The following SGK3 variants were observed in gnomAD, a reference collection of about 807,000 sequenced individuals.
SGK3 encodes serine/threonine-protein kinase Sgk3.
In SGK3, 47 loss-of-function variants were observed where a neutral mutation model predicts 68.5. The observed-to-expected ratio is 0.69, with a 90% CI of 0.54 to 0.87. SGK3 has a LOEUF of 0.87. Ranked by LOEUF, SGK3 falls within the 40% of genes least tolerant of loss-of-function variation. The probability of loss-of-function intolerance (pLI) is 0.00; values close to 1 mark genes in which losing one functional copy is unlikely to be tolerated. For synonymous variants in SGK3, 181 were observed against 189.1 expected, an observed-to-expected ratio of 0.96 and a Z score of 0.35; for missense variants, 479 against 575.5, an observed-to-expected ratio of 0.83 and a Z score of 1.72.
At chr8:66,821,043 G>C (rs1420750642) in intron 5 of SGK3, among the ~76,000 whole-genome samples, 1 of 151,984 alleles carries the variant, frequency 6.6e-6, no homozygotes, top group Non-Finnish European at 1.5e-5. Flanking sequence ...TTCATCTTTT[G>C]AGTTTCCTGG....
intron 1 of SGK3, among the ~76,000 whole-genome samples, chr8:66,736,519 G>T (rs1805318704): frequency 6.6e-6 from 1 of 151,946 alleles, no homozygotes; most frequent in South Asian, 2.1e-4. Flanking sequence ...GTACAGCGTT[G>T]CCATCATAGC....
chr8:66,741,240 G>A (rs1805469827), intron 1 of SGK3, among the ~76,000 whole-genome samples: 1 of 152,082 alleles, frequency 6.6e-6, no homozygotes, highest in Non-Finnish European at 1.5e-5. Context: ...TTTAGTCTCA[G>A]AGTATAGACT....
At chr8:66,774,921 G>A (rs1308679198) in intron 1 of SGK3, among the ~76,000 whole-genome samples, 1 of 152,170 alleles carries the variant, frequency 6.6e-6, no homozygotes, top group African/African-American at 2.4e-5. Context: ...CGGGAACCTG[G>A]GGAGAGTGCC....
chr8:66,807,292 A>G (rs1023928273), intron 4 of SGK3, among the ~76,000 whole-genome samples: 19 of 152,214 alleles, frequency 1.2e-4, no homozygotes, highest in Admixed American at 1.2e-3. Flanking sequence ...ACTAGTGATA[A>G]TATGAGACTT....
chr8:66,803,605 C>T (rs895357905), intron 3 of SGK3, among the ~76,000 whole-genome samples: 3 of 151,708 alleles, frequency 2.0e-5, no homozygotes, highest in Non-Finnish European at 4.4e-5. Flanking sequence ...TCTTCAGGGC[C>T]GAGTTTTCCT....
chr8:66,784,044 C>T (rs566785860), intron 1 of SGK3, among the ~76,000 whole-genome samples: 9 of 152,144 alleles, frequency 5.9e-5, no homozygotes, highest in South Asian at 4.2e-4. Flanking sequence ...ACTACAGGTA[C>T]GTGCCACCAT....
chr8:66,840,156 A>G (rs780041901), intron 11 of SGK3, 41 bp downstream of exon 11: 10 of 1,599,458 alleles, frequency 6.3e-6, no homozygotes, highest in South Asian at 4.6e-5. Context: ...GTATATAACA[A>G]TATTTTATTT....
intron 1 of SGK3, among the ~76,000 whole-genome samples, chr8:66,771,465 C>T (rs990690794): frequency 1.3e-5 from 2 of 152,168 alleles, no homozygotes; most frequent in African/African-American, 4.8e-5. Context: ...ATTGTGCCAT[C>T]TGGTTAAGGT....
intron 1 of SGK3, chr8:66,768,132 T>G (rs1806383586): frequency 5.1e-6 from 2 of 395,598 alleles, no homozygotes; most frequent in Non-Finnish European, 9.4e-6. Context: ...CTTACAATGG[T>G]ATACTTCCAT....
chr8:66,795,854 C>T (rs188346749), intron 2 of SGK3, among the ~76,000 whole-genome samples: 179 of 152,208 alleles, frequency 1.2e-3, no homozygotes, highest in African/African-American at 4.2e-3. Flanking sequence ...TCCTGCTTTC[C>T]CTCCTGCCAC....
In SGK3 at chr8:66,840,015, T is replaced by A. The variant is rs753343248; in HGVS notation, c.754T>A (p.Leu252Ile). The A allele has an allele frequency of 1.2e-6, 2 of 1,613,644 alleles. No homozygotes were observed. Among genetic ancestry groups the A allele is most frequent in the South Asian group, 2.2e-5 (2 of 90,968 alleles). Residue 252 changes from leucine (L) to isoleucine (I), a missense_variant, in exon 11 of 17, where the codon TTA becomes ATA. Leu to Ile is a conservative substitution (Grantham distance 5). Around this residue, in one of 3 missense-constraint regions of SGK3, gnomAD observed 298 missense variants for 329.4 expected, o/e 0.90. Transcript: ENST00000521198. The stretch of plus-strand genomic sequence containing the variant: ...ACCAATTTGACAGCTTTTTTTCCAC[T>A]TACAAAGAGAACGGTCCTTTCCTGA... ...FVNGGELFFHLQRERSFPEHR... is the reference protein window; with the variant it reads ...FVNGGELFFHIQRERSFPEHR...
chr8:66,825,975 C>T (rs1453213042), intron 6 of SGK3, among the ~76,000 whole-genome samples: 1 of 151,946 alleles, frequency 6.6e-6, no homozygotes, highest in East Asian at 1.9e-4. Context: ...TAATCCTCTT[C>T]CTTCATCTTT....
intron 1 of SGK3, among the ~76,000 whole-genome samples, chr8:66,779,346 T>C (rs1167051670): frequency 6.6e-6 from 1 of 151,956 alleles, no homozygotes; most frequent in Non-Finnish European, 1.5e-5. Context: ...TGTGTAAATG[T>C]TTCTGTCACT....
chr8:66,839,845 G>T (rs555328090), intron 10 of SGK3, 158 bp from the exon 11 acceptor site: 3 of 618,906 alleles, frequency 4.8e-6, no homozygotes, highest in Non-Finnish European at 8.2e-6. Flanking sequence ...ATGGATGAAG[G>T]GGAGTCACAT....
At chr8:66,716,035 A>C (rs1294602250) in intron 1 of SGK3, among the ~76,000 whole-genome samples, 1 of 152,212 alleles carries the variant, frequency 6.6e-6, no homozygotes, top group African/African-American at 2.4e-5. Flanking sequence ...GAAAAAAATT[A>C]ATGTAAATTA....
At chr8:66,832,684 C>A (rs1282192607) in intron 8 of SGK3, among the ~76,000 whole-genome samples, 2 of 151,788 alleles carry the variant, frequency 1.3e-5, no homozygotes, top group Non-Finnish European at 2.9e-5. Context: ...GCAGGAAGAT[C>A]ACTTGAGTTC....
chr8:66,838,099 C>T (rs1354892725), intron 10 of SGK3, among the ~76,000 whole-genome samples: 1 of 152,182 alleles, frequency 6.6e-6, no homozygotes, highest in Non-Finnish European at 1.5e-5. Context: ...CGGAGTCTCT[C>T]TCTGTCACCA....
intron 1 of SGK3, among the ~76,000 whole-genome samples, chr8:66,718,692 C>A (rs1586665986): frequency 6.6e-6 from 1 of 151,884 alleles, no homozygotes; most frequent in Non-Finnish European, 1.5e-5. Context: ...CCACGCCCAG[C>A]TAATTTTGTA....
chr8:66,818,787 A>G (rs141923208), intron 5 of SGK3, among the ~76,000 whole-genome samples: 1,986 of 152,340 alleles, frequency 0.013, 22 homozygotes, highest in Non-Finnish European at 0.022. Flanking sequence ...GTATGAGTAT[A>G]CCACAGTTGA....
Sources: allele counts gnomAD v4.1 joint callset (sites outside exome capture counted in the v4.1 genomes callset), GRCh38; gene constraint gnomAD v4.1.1; regional missense constraint gnomAD v4.1.1; transcripts MANE v1.5; gene names NCBI Gene and HGNC (gene_info 2026-07-23, HGNC 2026-07-21).